The following HS6ST2 variants were observed in gnomAD, a reference collection of about 807,000 sequenced individuals.
HS6ST2 encodes the protein heparan sulfate 6-O-sulfotransferase 2.
HS6ST2 carries 17 observed loss-of-function variants against 33.0 expected under a neutral mutation model. The ratio of observed to expected loss-of-function variants is 0.52; its 90% CI spans 0.35 to 0.77. HS6ST2 has a LOEUF of 0.77. Ranked by LOEUF, HS6ST2 falls within the 30% of genes least tolerant of loss-of-function variation. HS6ST2 has a pLI of 0.01. For missense variants in HS6ST2, 519 were observed against 551.7 expected, an observed-to-expected ratio of 0.94 and a Z score of 0.59; for synonymous variants, 248 against 237.1, an observed-to-expected ratio of 1.05 and a Z score of -0.42.
rs745669539 is a variant in HS6ST2, at chrX:132,743,691, C to T, written c.948-35197G>A. On this transcript the variant is annotated intron_variant, in intron 2 of 4. Coordinates refer to ENST00000370833, the MANE Select transcript of HS6ST2 (RefSeq NM_001394073.1). ...GGCACCCAGCTAGGAAGTGGTAGAG[C>T]CAGAATTTGAACCCAGATCATCTGA... is the stretch of plus-strand genomic sequence containing the variant. 8.1e-5 allele frequency among the ~76,000 whole-genome samples: 9 copies of T among 111,660 alleles called. No homozygotes were observed. In the East Asian group the frequency reaches 2.6e-3, roughly 32 times the overall value.
At chrX:132,788,285 A>G (rs2065085666) in intron 2 of HS6ST2, among the ~76,000 whole-genome samples, 2 of 111,514 alleles carry the variant, frequency 1.8e-5, no homozygotes, top group Non-Finnish European at 3.8e-5. Context: ...AAATTTTTTC[A>G]TTATTACTAT....
intron 2 of HS6ST2, among the ~76,000 whole-genome samples, chrX:132,934,679 T>C (rs1196465357): frequency 9.0e-6 from 1 of 111,618 alleles, no homozygotes; most frequent in African/African-American, 3.2e-5. Context: ...ATTAACTTAA[T>C]ATAAGACAAA....
chrX:132,917,333 T>C (rs1569503664), intron 2 of HS6ST2, among the ~76,000 whole-genome samples: 1 of 112,018 alleles, frequency 8.9e-6, no homozygotes, highest in Non-Finnish European at 1.9e-5. Flanking sequence ...GCATGGTGGC[T>C]TACACCTGTA....
chrX:132,856,829 G>A (rs1372682113), intron 2 of HS6ST2, among the ~76,000 whole-genome samples: 2 of 111,957 alleles, frequency 1.8e-5, no homozygotes, highest in African/African-American at 6.5e-5. Flanking sequence ...TTATCTTTGA[G>A]AGGATATTTA....
In HS6ST2 at chrX:132,628,736, C is replaced by T; in HGVS notation, c.1425G>A (p.Glu475=). The change falls in exon 5 of 5, where the codon GAG becomes GAA. Residue 475 remains glutamate, a synonymous_variant. Coordinates refer to ENST00000370833, the MANE Select transcript of HS6ST2 (RefSeq NM_001394073.1). Reference sequence around the variant, plus strand: ...ACAGATATTGGGTCTTCCGCTGAAACTCAGTGAGGCCGAAGAACGCCATGT... The same window carrying T: ...ACAGATATTGGGTCTTCCGCTGAAATTCAGTGAGGCCGAAGAACGCCATGT... ...LKHMAFFGLT[E]FQRKTQYLFE... is the part of the protein sequence containing the mutation. 1 of 1,211,755 alleles carries T rather than the reference C, an allele frequency of 8.3e-7. No homozygotes were observed. The highest frequency in any genetic ancestry group is 1.1e-6 in the Non-Finnish European group (1 of 895,476).
intron 3 of HS6ST2, among the ~76,000 whole-genome samples, chrX:132,693,696 A>C (rs1484069241): frequency 7.1e-5 from 8 of 112,004 alleles, no homozygotes; most frequent in Admixed American, 3.8e-4. Context: ...CTGTCCCTAA[A>C]GTCATTAAGA....
intron 2 of HS6ST2, among the ~76,000 whole-genome samples, chrX:132,713,267 G>A (rs769267936): frequency 9.0e-6 from 1 of 111,114 alleles, no homozygotes; most frequent in African/African-American, 3.3e-5. Context: ...GATCATGCCT[G>A]TAAATCATGT....
At chrX:132,897,156 C>A (rs2148457690) in intron 2 of HS6ST2, among the ~76,000 whole-genome samples, 1 of 109,884 alleles carries the variant, frequency 9.1e-6, no homozygotes, top group East Asian at 2.9e-4. Flanking sequence ...AGGTGGAATT[C>A]TATCAGAAGG....
chrX:132,779,106 A>G (rs2064994556), intron 2 of HS6ST2, among the ~76,000 whole-genome samples: 1 of 112,000 alleles, frequency 8.9e-6, no homozygotes, highest in African/African-American at 3.2e-5. Flanking sequence ...GACTGGATCA[A>G]GTCACAAGGA....
At chrX:132,672,997 A>T (rs1486964514) in intron 3 of HS6ST2, among the ~76,000 whole-genome samples, 1 of 111,871 alleles carries the variant, frequency 8.9e-6, no homozygotes, top group Non-Finnish European at 1.9e-5. Flanking sequence ...TCTCCTTTGT[A>T]AGCTCTTTTC....
chrX:132,741,262 A>G (rs1023289048), intron 2 of HS6ST2, among the ~76,000 whole-genome samples: 4 of 109,834 alleles, frequency 3.6e-5, no homozygotes, highest in Admixed American at 9.7e-5. Flanking sequence ...TAAAGGCAGC[A>G]TGGTGTAGAA....
chrX:132,680,677 G>C (rs2063962495), intron 3 of HS6ST2, among the ~76,000 whole-genome samples: 1 of 110,919 alleles, frequency 9.0e-6, no homozygotes, highest in Non-Finnish European at 1.9e-5. Flanking sequence ...TAGTCTGGGG[G>C]CATGAGTATT....
rs759130388 is a variant in HS6ST2, at chrX:132,901,489, GA to G, written c.947+55318del. Among the ~76,000 whole-genome samples the G allele has an allele frequency of 6.3e-5, 7 of 111,346 alleles. No individual in the cohort carries two copies. The Admixed American group carries it at 6.7e-4, about 11-fold the overall frequency. On this transcript the variant is annotated intron_variant, in intron 2 of 4. Coordinates refer to ENST00000370833, the MANE Select transcript of HS6ST2 (RefSeq NM_001394073.1). ...ATCATTCCAATAGACAGCAAGCAAA[GA>G]GTTTAAAAGGACCAAACATTTATTG...
chrX:132,816,048 G>A (rs2065391584), intron 2 of HS6ST2, among the ~76,000 whole-genome samples: 1 of 111,552 alleles, frequency 9.0e-6, no homozygotes, highest in Admixed American at 9.5e-5. Flanking sequence ...CCAGGCCCCA[G>A]CACATAGCAT....
chrX:132,753,289 G>A (rs2064725166), intron 2 of HS6ST2, among the ~76,000 whole-genome samples: 1 of 111,707 alleles, frequency 9.0e-6, no homozygotes, highest in Non-Finnish European at 1.9e-5. Context: ...AGGTTGTGGA[G>A]GAAAGAATAC....
At chrX:132,681,917 T>C (rs1817973183) in intron 3 of HS6ST2, among the ~76,000 whole-genome samples, 1 of 112,416 alleles carries the variant, frequency 8.9e-6, no homozygotes, top group African/African-American at 3.2e-5. Context: ...ACTTCTTGGC[T>C]TAGAGCAGAT....
intron 2 of HS6ST2, among the ~76,000 whole-genome samples, chrX:132,936,125 T>G (rs1759380766): frequency 9.1e-6 from 1 of 110,450 alleles, no homozygotes; most frequent in Non-Finnish European, 1.9e-5. Context: ...ACTCAATTAT[T>G]AAAATCAGGA....
At chrX:132,629,382 C>A (rs773792687) in intron 4 of HS6ST2, among the ~76,000 whole-genome samples, 5 of 111,329 alleles carry the variant, frequency 4.5e-5, no homozygotes, top group African/African-American at 1.6e-4. Context: ...CCGTTCGTTC[C>A]CCCTTCCCCT....
chrX:132,771,145 T>C (rs2064894741), intron 2 of HS6ST2, among the ~76,000 whole-genome samples: 1 of 111,700 alleles, frequency 9.0e-6, no homozygotes, highest in Admixed American at 9.5e-5. Flanking sequence ...AATTTGTATC[T>C]TACCACAATG....
Sources: gnomAD v4.1 joint callset for allele counts (sites outside exome capture counted in the v4.1 genomes callset) on GRCh38, gnomAD v4.1.1 for gene constraint, MANE v1.5 for transcripts, NCBI Gene and HGNC (gene_info 2026-07-23, HGNC 2026-07-21) for gene names.